SLC9A9: variants seen among roughly 807,000 people sequenced by gnomAD.
SLC9A9 encodes sodium/hydrogen exchanger 9.
SLC9A9 carries 62 observed loss-of-function variants against 77.8 expected under a neutral mutation model. That is an observed-to-expected ratio of 0.80 (90% CI 0.65 to 0.98). The LOEUF is 0.98. Ranked by LOEUF, SLC9A9 falls within the 50% of genes least tolerant of loss-of-function variation. SLC9A9 has a pLI of 0.00. For synonymous variants in SLC9A9, 320 were observed against 283.5 expected, an observed-to-expected ratio of 1.13 and a Z score of -1.29; for missense variants, 775 against 774.9, an observed-to-expected ratio of 1.00 and a Z score of 0.00.
chr3:143,642,732 C>G (rs369198487), intron 6 of SLC9A9, among the ~76,000 whole-genome samples: 1 of 152,134 alleles, frequency 6.6e-6, no homozygotes, highest in Non-Finnish European at 1.5e-5. Context: ...TCTTAACTAG[C>G]CTTTCATATT....
intron 5 of SLC9A9, among the ~76,000 whole-genome samples, chr3:143,663,005 C>T (rs1158116187): frequency 1.3e-5 from 2 of 152,282 alleles, no homozygotes; most frequent in African/African-American, 2.4e-5. Context: ...TCCCTGACCC[C>T]CAAGTAGCCT....
At chr3:143,815,308 T>A (rs982624271) in intron 2 of SLC9A9, among the ~76,000 whole-genome samples, 1 of 152,158 alleles carries the variant, frequency 6.6e-6, no homozygotes, top group South Asian at 2.1e-4. Context: ...CCCTTGTACA[T>A]GGCAGGCACT....
rs7615365 is a variant in SLC9A9, at chr3:143,415,618, A to G, written c.1470-33504T>C. ...TACTGCTCAGAAAAAGATTCCTTTCAAAACATTGCTACTCATTGACAATGC... is the reference window on the plus strand; with the variant it reads ...TACTGCTCAGAAAAAGATTCCTTTCGAAACATTGCTACTCATTGACAATGC... On this transcript the variant is annotated intron_variant, in intron 12 of 15. Coordinates refer to ENST00000316549, the MANE Select transcript of SLC9A9 (RefSeq NM_173653.4). 7.8e-3 allele frequency among the ~76,000 whole-genome samples: 1,186 copies of G among 152,344 alleles called. 11 individuals are homozygous for G. Among genetic ancestry groups the G allele is most frequent in the African/African-American group, 0.023 (967 of 41,578 alleles).
chr3:143,523,549 C>T (rs1266730525), intron 9 of SLC9A9, among the ~76,000 whole-genome samples: 1 of 152,128 alleles, frequency 6.6e-6, no homozygotes, highest in East Asian at 1.9e-4. Flanking sequence ...GAAGACACAG[C>T]GTGAATCCCA....
chr3:143,797,792 A>G (rs1178401598), intron 2 of SLC9A9, among the ~76,000 whole-genome samples: 7 of 151,506 alleles, frequency 4.6e-5, no homozygotes, highest in Non-Finnish European at 7.4e-5. Context: ...ATTTTCCACT[A>G]CCTACCCAAA....
intron 2 of SLC9A9, among the ~76,000 whole-genome samples, chr3:143,821,293 G>A (rs1010601477): frequency 6.6e-6 from 1 of 152,230 alleles, no homozygotes; most frequent in Non-Finnish European, 1.5e-5. Flanking sequence ...AAAGGAAGTA[G>A]ACTAATATTT....
chr3:143,521,673 AG>A (rs1335795813), intron 9 of SLC9A9, among the ~76,000 whole-genome samples: 1 of 151,906 alleles, frequency 6.6e-6, no homozygotes, highest in Non-Finnish European at 1.5e-5. Context: ...CTGTGTAGAA[AG>A]TTATATATTC....
chr3:143,843,850 C>T (rs1036651901), intron 1 of SLC9A9, among the ~76,000 whole-genome samples: 6 of 152,060 alleles, frequency 3.9e-5, no homozygotes, highest in Admixed American at 6.6e-5. Flanking sequence ...ATACTTTAAC[C>T]GCTAATTGTC....
intron 6 of SLC9A9, among the ~76,000 whole-genome samples, chr3:143,639,253 G>C (rs1431612622): frequency 6.6e-6 from 1 of 152,178 alleles, no homozygotes; most frequent in East Asian, 1.9e-4. Flanking sequence ...CAGTATTTTA[G>C]ATTATGTTAT....
chr3:143,272,366 G>A (rs1578252732), intron 14 of SLC9A9, among the ~76,000 whole-genome samples: 1 of 152,270 alleles, frequency 6.6e-6, no homozygotes, highest in East Asian at 1.9e-4. Context: ...ATACAGTGTG[G>A]CACTTCTTAG....
At chr3:143,630,037 G>GA (rs149688731) in intron 6 of SLC9A9, among the ~76,000 whole-genome samples, 16,593 of 151,782 alleles carry the variant, frequency 0.11, 1,057 homozygotes, top group Non-Finnish European at 0.14. Flanking sequence ...GAGGCTCAAT[G>GA]AAAAAACAAA....
At chr3:143,430,878 C>T (rs1266355095) in intron 12 of SLC9A9, among the ~76,000 whole-genome samples, 2 of 152,182 alleles carry the variant, frequency 1.3e-5, no homozygotes, top group African/African-American at 2.4e-5. Context: ...GAGCTAGATT[C>T]ACCTGACATG....
chr3:143,794,386 T>C (rs1221497218), intron 4 of SLC9A9, among the ~76,000 whole-genome samples: 1 of 152,172 alleles, frequency 6.6e-6, no homozygotes, highest in Non-Finnish European at 1.5e-5. Context: ...CTGGATTGCC[T>C]TCACCATTTG....
At chr3:143,274,493 A>AAGGCTGG (rs1937989047) in intron 14 of SLC9A9, among the ~76,000 whole-genome samples, 1 of 152,180 alleles carries the variant, frequency 6.6e-6, no homozygotes, top group African/African-American at 2.4e-5. Context: ...TTGGGGAAGA[A>AAGGCTGG]AGGCTGGATT....
chr3:143,716,683 G>A (rs1934361408), intron 4 of SLC9A9, among the ~76,000 whole-genome samples: 1 of 151,956 alleles, frequency 6.6e-6, no homozygotes, highest in South Asian at 2.1e-4. Flanking sequence ...AAAAGATGAG[G>A]GACAAAGTAT....
intron 12 of SLC9A9, among the ~76,000 whole-genome samples, chr3:143,412,295 G>A (rs1285627833): frequency 2.0e-5 from 3 of 152,008 alleles, no homozygotes; most frequent in African/African-American, 7.3e-5. Flanking sequence ...CGAGAAGGAA[G>A]TGAAAAAGAC....
intron 6 of SLC9A9, among the ~76,000 whole-genome samples, chr3:143,595,114 A>T (rs2037731671): frequency 6.6e-6 from 1 of 152,142 alleles, no homozygotes; most frequent in Non-Finnish European, 1.5e-5. Context: ...TGAATGCATG[A>T]TTTCTGTTTC....
chr3:143,278,018 G>T (rs1387217045), intron 14 of SLC9A9, among the ~76,000 whole-genome samples: 1 of 152,114 alleles, frequency 6.6e-6, no homozygotes, highest in Non-Finnish European at 1.5e-5. Context: ...CTGGGGCTGG[G>T]TCCCCCGCTT....
chr3:143,745,632 G>C (rs1935183304), intron 4 of SLC9A9, among the ~76,000 whole-genome samples: 1 of 152,064 alleles, frequency 6.6e-6, no homozygotes, highest in African/African-American at 2.4e-5. Flanking sequence ...TGTATTTTTT[G>C]GAAATTCTTT....
Sources: allele counts gnomAD v4.1 joint callset (sites outside exome capture counted in the v4.1 genomes callset), GRCh38; gene constraint gnomAD v4.1.1; transcripts MANE v1.5; gene names NCBI Gene and HGNC (gene_info 2026-07-23, HGNC 2026-07-21).